Variants in MTUS2 observed in about 807,000 individuals in gnomAD.
The protein encoded by MTUS2 is microtubule associated scaffold protein 2, also known as microtubule-associated tumor suppressor candidate 2.
MTUS2 carries 40 observed loss-of-function variants against 114.1 expected under a neutral mutation model. The observed-to-expected ratio is 0.35, with a 90% confidence interval of 0.27 to 0.46. The LOEUF is 0.46. MTUS2 is among the 20% of genes least tolerant of loss of function. The pLI is 1.00. For synonymous variants in MTUS2, 688 were observed against 672.0 expected, an observed-to-expected ratio of 1.02 and a Z score of -0.37; for missense variants, 1,679 against 1,705.4, an observed-to-expected ratio of 0.98 and a Z score of 0.27.
intron 2 of MTUS2, among the ~76,000 whole-genome samples, chr13:28,936,066 A>C (rs1881887375): frequency 6.6e-6 from 1 of 152,082 alleles, no homozygotes; most frequent in South Asian, 2.1e-4. Flanking sequence ...TTTTTGAGGC[A>C]AGATTTTGTA....
At chr13:29,361,199 G>A (rs7329194) in intron 8 of MTUS2, among the ~76,000 whole-genome samples, 112,884 of 152,050 alleles carry the variant, frequency 0.74, 42,174 homozygotes, top group South Asian at 0.83. Flanking sequence ...GACCAACAGC[G>A]GCTGGCAGGT....
chr13:29,093,720 G>A (rs1362792062), intron 4 of MTUS2, among the ~76,000 whole-genome samples: 1 of 151,960 alleles, frequency 6.6e-6, no homozygotes, highest in Non-Finnish European at 1.5e-5. Context: ...TTTCCTTTTT[G>A]TTTCCAATCT....
chr13:29,098,259 G>A (rs1410055732), intron 4 of MTUS2, among the ~76,000 whole-genome samples: 2 of 152,170 alleles, frequency 1.3e-5, no homozygotes, highest in Non-Finnish European at 2.9e-5. Flanking sequence ...TGTGCTAGGA[G>A]CTGGTGGTAT....
rs187730243 is a variant in MTUS2 at position 29,021,586 on chromosome 13, T to G, written c.-242-2871T>G. Among the ~76,000 whole-genome samples the G allele has an allele frequency of 1.1e-3, 171 of 152,304 alleles. 1 individual carries two copies. The highest frequency in any genetic ancestry group is 3.7e-3 in the African/African-American group (154 of 41,564). On this transcript the variant is annotated intron_variant, in intron 2 of 15. Coordinates refer to ENST00000612955, the MANE Select transcript of MTUS2 (RefSeq NM_001033602.4). ...CCGAAGAGGGCTCTTGGCTGCATAT[T>G]TATACTTCTGCCCACAGAAAATTAG...
At chr13:29,385,812 C>T (rs1383955426) in intron 8 of MTUS2, among the ~76,000 whole-genome samples, 2 of 152,192 alleles carry the variant, frequency 1.3e-5, no homozygotes, top group African/African-American at 4.8e-5. Flanking sequence ...AATGGAAGGA[C>T]TCCTACCCAC....
intron 4 of MTUS2, among the ~76,000 whole-genome samples, chr13:29,066,589 G>T (rs569867191): frequency 6.6e-6 from 1 of 152,322 alleles, no homozygotes; most frequent in South Asian, 2.1e-4. Context: ...AAAACAGGTG[G>T]CTAGTCCATG....
intron 2 of MTUS2, among the ~76,000 whole-genome samples, chr13:28,883,042 C>T (rs1566196153): frequency 6.6e-6 from 1 of 152,142 alleles, no homozygotes; most frequent in Non-Finnish European, 1.5e-5. Context: ...GCAAATAAGA[C>T]ACGAAAAGAT....
intron 6 of MTUS2, among the ~76,000 whole-genome samples, chr13:29,323,269 AGACAGAGTATCACTCTGT>A (rs1900329782): frequency 6.9e-6 from 1 of 145,448 alleles, no homozygotes; most frequent in African/African-American, 2.6e-5. Flanking sequence ...TTTTTTTTTG[AGACAGAGTATCACTCTGT>A]CTCCCAGGCT....
intron 2 of MTUS2, among the ~76,000 whole-genome samples, chr13:29,012,588 T>C: frequency 6.6e-6 from 1 of 152,106 alleles, no homozygotes; most frequent in East Asian, 1.9e-4. Context: ...AAAGAGTGGG[T>C]CCAGCCCGGG....
intron 8 of MTUS2, among the ~76,000 whole-genome samples, chr13:29,365,369 C>T (rs1363277594): frequency 6.6e-6 from 1 of 152,110 alleles, no homozygotes; most frequent in African/African-American, 2.4e-5. Flanking sequence ...CCTGATAAAA[C>T]CCACCTCTAT....
intron 2 of MTUS2, among the ~76,000 whole-genome samples, chr13:28,960,379 G>GTA (rs1883269782): frequency 6.6e-6 from 1 of 152,112 alleles, no homozygotes; most frequent in Admixed American, 6.5e-5. Context: ...TTAGTCCTAG[G>GTA]TATATATCCA....
At chr13:29,067,862 T>C (rs2138673206) in intron 4 of MTUS2, among the ~76,000 whole-genome samples, 1 of 152,186 alleles carries the variant, frequency 6.6e-6, no homozygotes, top group Non-Finnish European at 1.5e-5. Flanking sequence ...GGAATGTAAG[T>C]GGAACACTGA....
intron 4 of MTUS2, among the ~76,000 whole-genome samples, chr13:29,096,950 T>TA (rs1398204436): frequency 6.6e-6 from 1 of 152,122 alleles, no homozygotes; most frequent in African/African-American, 2.4e-5. Context: ...ACCTCTGTCT[T>TA]ATATGTTTGG....
chr13:28,927,518 A>T (rs1243993814), intron 2 of MTUS2, among the ~76,000 whole-genome samples: 1 of 152,174 alleles, frequency 6.6e-6, no homozygotes, highest in Non-Finnish European at 1.5e-5. Context: ...GTGAGCTGTA[A>T]TTGCACCACT....
intron 5 of MTUS2, among the ~76,000 whole-genome samples, chr13:29,248,712 G>A (rs1038478035): frequency 2.0e-5 from 3 of 152,158 alleles, no homozygotes; most frequent in Non-Finnish European, 2.9e-5. Flanking sequence ...CCACTTATGA[G>A]TGAGAACATG....
rs540640928 is a variant in MTUS2, at chr13:28,823,590, C to T, written c.-316+2979C>T. Among the ~76,000 whole-genome samples the T allele has an allele frequency of 1.2e-4, 19 of 152,338 alleles. No individual in the cohort carries two copies. In the South Asian group the frequency reaches 2.5e-3, roughly 20 times the overall value. ...TTGACCAAACTTTAGTCAGGCTCCC[C>T]TGAGCCCTCTTCTCAACTGGGCCTC... On this transcript the variant is annotated intron_variant, in intron 1 of 15. Coordinates refer to ENST00000612955, the MANE Select transcript of MTUS2 (RefSeq NM_001033602.4).
chr13:29,022,051 G>A (rs74358462), intron 2 of MTUS2, among the ~76,000 whole-genome samples: 2 of 152,110 alleles, frequency 1.3e-5, no homozygotes, highest in Non-Finnish European at 1.5e-5. Flanking sequence ...AAATGCAAGC[G>A]CACATGCACA....
chr13:29,144,311 G>T lies in MTUS2; in HGVS notation c.2644+43341G>T, dbSNP rs148041979. Reference sequence around the variant, plus strand: ...TCTCTGTTCAGGGTCTCAGAAAGCTGCAGTCAAGGTGTTGGCTGGCTGCAT... The same window carrying T: ...TCTCTGTTCAGGGTCTCAGAAAGCTTCAGTCAAGGTGTTGGCTGGCTGCAT... On this transcript the variant is annotated intron_variant, in intron 5 of 15. Coordinates refer to ENST00000612955, the MANE Select transcript of MTUS2 (RefSeq NM_001033602.4). Among the ~76,000 whole-genome samples, 157 of 152,228 alleles carry T rather than the reference G, an allele frequency of 1.0e-3. No individual in the cohort carries two copies. In the East Asian group the frequency reaches 0.023, roughly 22 times the overall value.
chr13:29,445,323 C>T (rs1878201159), intron 9 of MTUS2, among the ~76,000 whole-genome samples: 1 of 152,078 alleles, frequency 6.6e-6, no homozygotes, highest in African/African-American at 2.4e-5. Context: ...ACACTAAGGA[C>T]CCAGTGTTAG....
Sources: allele counts gnomAD v4.1 joint callset (sites outside exome capture counted in the v4.1 genomes callset), GRCh38; gene constraint gnomAD v4.1.1; transcripts MANE v1.5; gene names NCBI Gene and HGNC (gene_info 2026-07-23, HGNC 2026-07-21).